SCN4B: variants seen among roughly 807,000 people sequenced by gnomAD.
SCN4B encodes the protein sodium channel regulatory subunit beta-4.
In SCN4B, 20 loss-of-function variants were observed where a neutral mutation model predicts 19.6. The ratio of observed to expected loss-of-function variants is 1.02; its 90% CI spans 0.72 to 1.48. SCN4B has a LOEUF of 1.48. Among genes scored for constraint, SCN4B ranks in the 40% most tolerant of loss-of-function variants. The pLI is 0.00. For missense variants in SCN4B, 271 were observed against 287.5 expected (o/e 0.94, Z 0.42); for synonymous variants, 127 against 122.8 (o/e 1.03, Z -0.22).
rs532464225 is a variant in SCN4B, at chr11:118,136,972, T to C, written c.*55A>G. Reference sequence around the variant, plus strand: ...GGGTTCTACGGTCGGGGCTCAAGCATCAGTTTCATCATCAGAAAGGGGGCT... The same window carrying C: ...GGGTTCTACGGTCGGGGCTCAAGCACCAGTTTCATCATCAGAAAGGGGGCT... On this transcript the variant is annotated 3_prime_UTR_variant, in exon 5 of 5. Coordinates refer to ENST00000324727, the MANE Select transcript of SCN4B (RefSeq NM_174934.4). 6.1e-5 allele frequency: 74 copies of C among 1,218,658 alleles called. No homozygotes were observed. In the South Asian group the frequency reaches 7.9e-4, roughly 13 times the overall value. 75.5% of individuals were successfully genotyped at this position (1,218,658 alleles called of 1,614,324 possible). A position where few individuals can be genotyped will look rare whatever the true frequency, so the allele number is the denominator to read the frequency against.
intron 3 of SCN4B, chr11:118,141,656 C>T (rs1948100929): frequency 4.9e-6 from 2 of 407,238 alleles, no homozygotes; most frequent in Non-Finnish European, 9.1e-6. Flanking sequence ...TGACTTGATC[C>T]CCAAATTGCC....
intron 4 of SCN4B, among the ~76,000 whole-genome samples, chr11:118,140,784 T>G (rs991668294): frequency 2.0e-5 from 3 of 152,198 alleles, no homozygotes; most frequent in Admixed American, 2.0e-4. Flanking sequence ...ACAGAAGAAT[T>G]TTGTTCCCAT....
Position 118,135,327 on chromosome 11 carries a change from C to A in SCN4B, c.*1700G>T, listed in dbSNP as rs1038382510. 2.0e-5 allele frequency: 9 copies of A among 453,944 alleles called. No homozygotes were observed. Among genetic ancestry groups the A allele is most frequent in the Non-Finnish European group, 3.1e-5 (7 of 226,790 alleles). 28.1% of individuals were successfully genotyped at this position (453,944 alleles called of 1,614,324 possible). A position where few individuals can be genotyped will look rare whatever the true frequency, so the allele number is the denominator to read the frequency against. Reference sequence around the variant, plus strand: ...TCAGTCTCCCCCCACTCCACCCTTGCGAGGCTTGCAGCTGCTTTTTGACAG... The same window carrying A: ...TCAGTCTCCCCCCACTCCACCCTTGAGAGGCTTGCAGCTGCTTTTTGACAG... On this transcript the variant is annotated 3_prime_UTR_variant, in exon 5 of 5. Transcript: ENST00000324727.
At position 118,133,642 on chromosome 11, in the gene SCN4B, A is replaced by G. The variant is rs1230370777; in HGVS notation, c.*3385T>C. 2 of 454,458 alleles carry G rather than the reference A, an allele frequency of 4.4e-6. No individual in the cohort carries two copies. Among genetic ancestry groups the G allele is most frequent in the Non-Finnish European group, 8.8e-6 (2 of 226,804 alleles). 28.2% of individuals were successfully genotyped at this position (454,458 alleles called of 1,614,324 possible). ...CAAGCCAGAGGAATAAACCATGCATAAGATAGTCAAAAGCACTGCATATCA... is the reference window on the plus strand; with the variant it reads ...CAAGCCAGAGGAATAAACCATGCATGAGATAGTCAAAAGCACTGCATATCA... On this transcript the variant is annotated 3_prime_UTR_variant, in exon 5 of 5. Coordinates refer to ENST00000324727, the MANE Select transcript of SCN4B (RefSeq NM_174934.4).
At chr11:118,144,331 C>T (rs951389612) in intron 2 of SCN4B, among the ~76,000 whole-genome samples, 5 of 152,198 alleles carry the variant, frequency 3.3e-5, no homozygotes, top group African/African-American at 7.2e-5. Context: ...TTACTGCTCT[C>T]TTCATAAAAG....
chr11:118,146,983 A>G (rs537896073), intron 1 of SCN4B, among the ~76,000 whole-genome samples: 1 of 152,332 alleles, frequency 6.6e-6, no homozygotes, highest in Admixed American at 6.5e-5. Context: ...TTCTAGAGCC[A>G]TGGTTTTCAA....
Position 118,141,205 on chromosome 11 carries a change from A to C in SCN4B, c.593+2T>G. On this transcript the variant is annotated splice_donor_variant, in intron 4 of 4. Transcript: ENST00000324727. LOFTEE classifies it high-confidence loss of function. ...ACAGGAGTGTGCTCCAGATCAACTC[A>C]CTTCTTCTCCCGAGTCTTCTTCAGG... 1 of 1,612,888 alleles carries C rather than the reference A, an allele frequency of 6.2e-7. No individual in the cohort carries two copies. Among genetic ancestry groups the C allele is most frequent in the Non-Finnish European group, 8.5e-7 (1 of 1,179,964 alleles).
chr11:118,151,528 C>T lies in SCN4B; in HGVS notation c.61+1085G>A, dbSNP rs555622180. On this transcript the variant is annotated intron_variant, in intron 1 of 4. Coordinates refer to ENST00000324727, the MANE Select transcript of SCN4B (RefSeq NM_174934.4). ...AGCGGTACAGAGGTAAATAAACATC[C>T]CAAGTACAAGAAATACTCTCTCCCC... 9.2e-5 allele frequency among the ~76,000 whole-genome samples: 14 copies of T among 152,272 alleles called. No homozygotes were observed. The East Asian group carries it at 2.3e-3, about 25-fold the overall frequency.
In SCN4B at chr11:118,134,766, T is replaced by C. The variant is rs1947971898; in HGVS notation, c.*2261A>G. ...TGAAGACAGGACAGACTTGGAACTA[T>C]CCCTGCAATTAATACCTGGCTTCCC... On this transcript the variant is annotated 3_prime_UTR_variant, in exon 5 of 5. Coordinates refer to ENST00000324727, the MANE Select transcript of SCN4B (RefSeq NM_174934.4). 1 of 453,942 alleles carries C rather than the reference T, an allele frequency of 2.2e-6. No individual in the cohort carries two copies. The highest frequency in any genetic ancestry group is 4.4e-6 in the Non-Finnish European group (1 of 226,792). The allele number at this position is 453,942 out of a possible 1,614,324, so 28.1% of individuals were successfully genotyped here.
intron 1 of SCN4B, chr11:118,145,444 C>G: frequency 6.7e-7 from 1 of 1,487,692 alleles, no homozygotes; most frequent in Non-Finnish European, 8.9e-7. Context: ...GAATTCTGGA[C>G]CAGGGAGTAG....
At chr11:118,152,289 C>G (rs537652477) in intron 1 of SCN4B, among the ~76,000 whole-genome samples, 1 of 152,340 alleles carries the variant, frequency 6.6e-6, no homozygotes, top group African/African-American at 2.4e-5. Flanking sequence ...CCCCCCTCCT[C>G]CAGCATCCTG....
At chr11:118,141,363 G>T (rs1449226686) in intron 3 of SCN4B, 27 bp from the exon 4 acceptor site, 1 of 1,611,928 alleles carries the variant, frequency 6.2e-7, no homozygotes, top group African/African-American at 1.3e-5. Context: ...GGGAGGAAAG[G>T]GAAGGCACAA....
chr11:118,143,776 T>C, intron 3 of SCN4B, 57 bp downstream of exon 3: 1 of 1,253,110 alleles, frequency 8.0e-7, no homozygotes, highest in Non-Finnish European at 1.2e-6. Flanking sequence ...GATGCTGAGT[T>C]GGGTGCCTCC....
intron 4 of SCN4B, among the ~76,000 whole-genome samples, chr11:118,139,444 C>T (rs1948067102): frequency 6.6e-6 from 1 of 152,224 alleles, no homozygotes; most frequent in Admixed American, 6.5e-5. Flanking sequence ...ATCCCCTCTA[C>T]CTTGTATTAC....
Position 118,144,062 on chromosome 11 carries a change from C to T in SCN4B, c.235-1G>A. 6.2e-7 allele frequency: 1 copy of T among 1,606,408 alleles called. No individual in the cohort carries two copies. The highest frequency in any genetic ancestry group is 8.5e-7 in the Non-Finnish European group (1 of 1,173,150). ...CATTCTTCACAGTCCCCTCTATGAGCTGGTGGAGGAAGGGAGTTGGGGTGA... is the reference window on the plus strand; with the variant it reads ...CATTCTTCACAGTCCCCTCTATGAGTTGGTGGAGGAAGGGAGTTGGGGTGA... On this transcript the variant is annotated splice_acceptor_variant, in intron 2 of 4. Transcript: ENST00000324727. LOFTEE classifies it high-confidence loss of function.
Position 118,144,983 on chromosome 11 carries a change from A to G in SCN4B, c.234+74T>C, listed in dbSNP as rs1449509896. ...ACCATCGCAGTGGGTCTCAGTCCAG[A>G]AGGGACCAGAGCGTAGGAGGCGAGG... On this transcript the variant is annotated intron_variant, in intron 2 of 4. Coordinates refer to ENST00000324727, the MANE Select transcript of SCN4B (RefSeq NM_174934.4). 6 of 1,469,910 alleles carry G rather than the reference A, an allele frequency of 4.1e-6. No homozygotes were observed. The African/African-American group carries it at 8.3e-5, about 20-fold the overall frequency. 91.1% of individuals were successfully genotyped at this position (1,469,910 alleles called of 1,614,324 possible). A position where few individuals can be genotyped will look rare whatever the true frequency, so the allele number is the denominator to read the frequency against.
rs114725203 is a variant in SCN4B, at chr11:118,141,437, C to T, written c.464-101G>A. The T allele has an allele frequency of 5.3e-3, 7,657 of 1,451,674 alleles. 298 individuals carry two copies. The African/African-American group carries it at 0.094, about 18-fold the overall frequency. 89.9% of individuals were successfully genotyped at this position (1,451,674 alleles called of 1,614,324 possible). A position where few individuals can be genotyped will look rare whatever the true frequency, so the allele number is the denominator to read the frequency against. On this transcript the variant is annotated intron_variant, in intron 3 of 4. Coordinates refer to ENST00000324727, the MANE Select transcript of SCN4B (RefSeq NM_174934.4). ...GTGCAAGGGCCATGTAGCCTCCACC[C>T]CCTGGCATCCGGGGCACATCCACTC...
At chr11:118,149,229 C>T (rs1277081300) in intron 1 of SCN4B, among the ~76,000 whole-genome samples, 1 of 152,212 alleles carries the variant, frequency 6.6e-6, no homozygotes, top group African/African-American at 2.4e-5. Context: ...AAACTTTCCA[C>T]CACCTTTTCC....
In SCN4B at chr11:118,136,665, C is replaced by A. The variant is rs72546681; in HGVS notation, c.*362G>T. The A allele has an allele frequency of 4.0e-3, 1,868 of 466,864 alleles. 96 individuals carry two copies. The East Asian group carries it at 0.11, about 27-fold the overall frequency. 28.9% of individuals were successfully genotyped at this position (466,864 alleles called of 1,614,324 possible). A position where few individuals can be genotyped will look rare whatever the true frequency, so the allele number is the denominator to read the frequency against. On this transcript the variant is annotated 3_prime_UTR_variant, in exon 5 of 5. Coordinates refer to ENST00000324727, the MANE Select transcript of SCN4B (RefSeq NM_174934.4). ...GACATCCCTTACGGATCCTCCCAGT[C>A]TCTTGTGAAGAGAAGCCTGGAGGAA...
Sources: gnomAD v4.1 joint callset for allele counts (sites outside exome capture counted in the v4.1 genomes callset) on GRCh38, gnomAD v4.1.1 for gene constraint, MANE v1.5 for transcripts, NCBI Gene and HGNC (gene_info 2026-07-23, HGNC 2026-07-21) for gene names.